CMTM8: variants seen among roughly 807,000 people sequenced by gnomAD.
CMTM8 encodes CKLF-like MARVEL transmembrane domain-containing protein 8.
CMTM8 carries 12 observed loss-of-function variants against 18.6 expected under a neutral mutation model. The ratio of observed to expected loss-of-function variants is 0.65; its 90% CI spans 0.41 to 1.05. The LOEUF (loss-of-function observed/expected upper bound fraction) is 1.05, where lower values mean the gene tolerates loss of function less well. Among genes scored for constraint, CMTM8 ranks in the 50% least tolerant of loss-of-function variants. The probability of loss-of-function intolerance (pLI) is 0.00; values close to 1 mark genes in which losing one functional copy is unlikely to be tolerated. For missense variants in CMTM8, 217 were observed against 227.2 expected (o/e 0.95, Z 0.29); for synonymous variants, 87 against 90.6 (o/e 0.96, Z 0.23).
At chr3:32,342,399 T>G (rs1156758884) in intron 1 of CMTM8, among the ~76,000 whole-genome samples, 1 of 152,212 alleles carries the variant, frequency 6.6e-6, no homozygotes, top group African/African-American at 2.4e-5. Context: ...ATTGGTTGAA[T>G]AGATGAAAGC....
chr3:32,325,278 A>T (rs865933892), intron 1 of CMTM8, among the ~76,000 whole-genome samples: 1 of 152,236 alleles, frequency 6.6e-6, no homozygotes, highest in African/African-American at 2.4e-5. Context: ...ATTGTGAAAT[A>T]GACCAAGGGG....
At chr3:32,242,488 G>C (rs1474324360) in intron 1 of CMTM8, among the ~76,000 whole-genome samples, 2 of 151,950 alleles carry the variant, frequency 1.3e-5, no homozygotes, top group African/African-American at 4.8e-5. Flanking sequence ...ATGCCTGGTG[G>C]ATGATTTTTT....
chr3:32,278,283 C>CGTG (rs1251047691), intron 1 of CMTM8, among the ~76,000 whole-genome samples: 2 of 152,184 alleles, frequency 1.3e-5, no homozygotes, highest in Admixed American at 1.3e-4. Context: ...TCCTCATCTA[C>CGTG]GTGGCCATGT....
chr3:32,281,065 C>G (rs1041002066), intron 1 of CMTM8, among the ~76,000 whole-genome samples: 3 of 152,024 alleles, frequency 2.0e-5, no homozygotes, highest in African/African-American at 4.8e-5. Flanking sequence ...TCCTGGAACT[C>G]CCCAAGCCCC....
chr3:32,284,579 A>G (rs999998800), intron 1 of CMTM8, among the ~76,000 whole-genome samples: 1 of 152,220 alleles, frequency 6.6e-6, no homozygotes, highest in Admixed American at 6.5e-5. Flanking sequence ...AAAAGTGGAC[A>G]TAGGACTTTG....
chr3:32,328,516 C>T (rs562102772), intron 1 of CMTM8, among the ~76,000 whole-genome samples: 220 of 143,852 alleles, frequency 1.5e-3, no homozygotes, highest in African/African-American at 5.3e-3. Context: ...TGCCACTGCA[C>T]TCCAGCCTTG....
At chr3:32,339,432 C>T (rs1379535211) in intron 1 of CMTM8, among the ~76,000 whole-genome samples, 1 of 152,096 alleles carries the variant, frequency 6.6e-6, no homozygotes, top group Non-Finnish European at 1.5e-5. Context: ...AAGGAGATGC[C>T]CATCTTCATG....
chr3:32,248,942 C>T (rs1702079034), intron 1 of CMTM8, among the ~76,000 whole-genome samples: 2 of 151,680 alleles, frequency 1.3e-5, no homozygotes, highest in Non-Finnish European at 2.9e-5. Flanking sequence ...CCACTCTGCC[C>T]AGCCCATGTA....
chr3:32,284,448 T>C (rs1048566787), intron 1 of CMTM8, among the ~76,000 whole-genome samples: 18 of 152,348 alleles, frequency 1.2e-4, no homozygotes, highest in African/African-American at 3.8e-4. Context: ...GGAGTGGGGC[T>C]GCCTCACCTT....
intron 1 of CMTM8, among the ~76,000 whole-genome samples, chr3:32,320,319 A>G (rs932575567): frequency 2.4e-4 from 36 of 152,346 alleles, no homozygotes; most frequent in African/African-American, 8.4e-4. Context: ...GCACTGTTAC[A>G]TGCCACAACG....
chr3:32,259,898 G>A, intron 1 of CMTM8: 1 of 993,974 alleles, frequency 1.0e-6, no homozygotes, highest in Non-Finnish European at 1.6e-6. Context: ...GGCCAGCCTG[G>A]AGAACAGCCT....
At chr3:32,322,020 G>A (rs1160390907) in intron 1 of CMTM8, among the ~76,000 whole-genome samples, 1 of 152,196 alleles carries the variant, frequency 6.6e-6, no homozygotes, top group Non-Finnish European at 1.5e-5. Context: ...AGCCTAAACC[G>A]TTCATTATCT....
intron 1 of CMTM8, among the ~76,000 whole-genome samples, chr3:32,312,814 G>A (rs1219680751): frequency 4.0e-5 from 6 of 151,516 alleles, no homozygotes; most frequent in Non-Finnish European, 8.8e-5. Flanking sequence ...TAGCTTTCCA[G>A]AAATCACCTT....
intron 1 of CMTM8, among the ~76,000 whole-genome samples, chr3:32,316,853 C>G (rs1695942741): frequency 6.6e-6 from 1 of 152,192 alleles, no homozygotes; most frequent in African/African-American, 2.4e-5. Flanking sequence ...TTCGTAAGTC[C>G]AGACTTGAAA....
chr3:32,300,302 T>A (rs891915112), intron 1 of CMTM8, among the ~76,000 whole-genome samples: 1 of 152,196 alleles, frequency 6.6e-6, no homozygotes, highest in African/African-American at 2.4e-5. Flanking sequence ...GCAGGACCCT[T>A]TCTGGAATGG....
intron 2 of CMTM8, among the ~76,000 whole-genome samples, chr3:32,360,466 G>C (rs1368986468): frequency 6.6e-6 from 1 of 152,234 alleles, no homozygotes; most frequent in African/African-American, 2.4e-5. Context: ...AAGCATTTGT[G>C]AGTTGGGTAC....
chr3:32,329,867 A>C (rs531101013), intron 1 of CMTM8, among the ~76,000 whole-genome samples: 40 of 152,338 alleles, frequency 2.6e-4, no homozygotes, highest in African/African-American at 8.4e-4. Flanking sequence ...GATTCTACCA[A>C]AAAAGCTGCT....
intron 1 of CMTM8, among the ~76,000 whole-genome samples, chr3:32,266,979 T>C (rs1702355067): frequency 6.6e-6 from 1 of 152,206 alleles, no homozygotes; most frequent in African/African-American, 2.4e-5. Flanking sequence ...GAACATTCCA[T>C]GCTCATGGAT....
At chr3:32,350,918 C>G (rs1467534224) in intron 1 of CMTM8, among the ~76,000 whole-genome samples, 1 of 152,198 alleles carries the variant, frequency 6.6e-6, no homozygotes, top group South Asian at 2.1e-4. Flanking sequence ...CTCAGCCTCC[C>G]AAAGTGCTGG....
Sources: allele counts gnomAD v4.1 joint callset (sites outside exome capture counted in the v4.1 genomes callset), GRCh38; gene constraint gnomAD v4.1.1; transcripts MANE v1.5; gene names NCBI Gene and HGNC (gene_info 2026-07-23, HGNC 2026-07-21).